Variants in RIOK1 observed in about 807,000 individuals in gnomAD.
RIOK1 encodes serine/threonine-protein kinase RIO1.
A neutral mutation model predicts 73.5 loss-of-function variants in RIOK1; 66 were observed. That is an observed-to-expected ratio of 0.90 (90% confidence interval 0.74 to 1.10). RIOK1 has a LOEUF of 1.10. Ranked by LOEUF, RIOK1 falls within the 50% of genes least tolerant of loss-of-function variation. The pLI is 0.00. For synonymous variants in RIOK1, 224 were observed against 226.8 expected (o/e 0.99, Z 0.11); for missense variants, 658 against 699.8 (o/e 0.94, Z 0.67).
chr6:7,417,459 G>A lies in RIOK1; in HGVS notation c.*18G>A, dbSNP rs1009542241. On this transcript the variant is annotated 3_prime_UTR_variant, in exon 17 of 17. Transcript: ENST00000379834. ...GCAAATAGAATGAGAACCATATTAT[G>A]TACAGTCATTTTCCTCAGTTCCTTT... The A allele has an allele frequency of 7.0e-6, 10 of 1,424,682 alleles. No homozygotes were observed. The highest frequency in any genetic ancestry group is 2.9e-5 in the African/African-American group (2 of 69,260). 88.3% of individuals were successfully genotyped at this position (1,424,682 alleles called of 1,614,324 possible).
chr6:7,410,444 A>T lies in RIOK1; in HGVS notation c.1262A>T (p.Asp421Val), dbSNP rs865994463. The change falls in exon 13 of 17, where the codon GAT (aspartate) becomes GTT (valine). Residue 421 changes from aspartate to valine, a missense_variant. By Grantham distance (152) the Asp-to-Val change is radical. Transcript: ENST00000379834. ...GAACGGTCTAGCCAAGATCATGTGG[A>T]TGAAGAGGTAGGATTTATTATCTAT... Reference protein sequence around the residue: ...KEERSSQDHVDEEVFKRAYIP... With the variant: ...KEERSSQDHVVEEVFKRAYIP... 3 of 1,607,682 alleles carry T rather than the reference A, an allele frequency of 1.9e-6. No homozygotes were observed. The highest frequency in any genetic ancestry group is 2.6e-6 in the Non-Finnish European group (3 of 1,174,654).
At chr6:7,404,118 A>G (rs779831132) in intron 9 of RIOK1, 91 bp downstream of exon 9, 82 of 911,302 alleles carry the variant, frequency 9.0e-5, no homozygotes, top group Non-Finnish European at 1.1e-5. Flanking sequence ...TTCCCATTTG[A>G]ATAACTTATT....
At chr6:7,395,713 GTT>G (rs139887944) in intron 3 of RIOK1, among the ~76,000 whole-genome samples, 4 of 143,356 alleles carry the variant, frequency 2.8e-5, no homozygotes, top group East Asian at 2.0e-4. Context: ...TCGGTTTTAG[GTT>G]TTTTTTTTTT....
At chr6:7,410,532 C>T (rs1761861196) in intron 13 of RIOK1, 81 bp downstream of exon 13, 3 of 869,026 alleles carry the variant, frequency 3.5e-6, no homozygotes, top group East Asian at 5.0e-5. Context: ...AGAGCATAAA[C>T]TTGATTTAAA....
chr6:7,400,901 A>G, intron 5 of RIOK1, 57 bp from the exon 6 acceptor site: 1 of 1,025,944 alleles, frequency 9.7e-7, no homozygotes, highest in South Asian at 1.3e-5. Context: ...ACAGGTTTTA[A>G]TGAGGAAAAT....
chr6:7,406,542 A>C (rs373108590), intron 12 of RIOK1, among the ~76,000 whole-genome samples: 235 of 152,244 alleles, frequency 1.5e-3, no homozygotes, highest in Middle Eastern at 0.014. Context: ...TTGTGAATTC[A>C]CCTACTCTAG....
At position 7,393,241 on chromosome 6, in the gene RIOK1, T is replaced by C. The variant is rs1245059057; in HGVS notation, c.214T>C (p.Trp72Arg). 2 of 1,613,936 alleles carry C rather than the reference T, an allele frequency of 1.2e-6. No individual in the cohort carries two copies. The highest frequency in any genetic ancestry group is 2.7e-5 in the African/African-American group (2 of 74,998). Residue 72 changes from tryptophan to arginine, a missense_variant, in exon 2 of 17, where the codon TGG becomes CGG. Transcript: ENST00000379834. ...GYDDDDDDWD[W>R]DEGVGKLAKG... The stretch of plus-strand genomic sequence containing the variant: ...TGACGATGATGATGATGACTGGGAC[T>C]GGGATGAAGGAGTTGGAAAACTCGC...
At chr6:7,416,923 T>C (rs920041355) in intron 16 of RIOK1, among the ~76,000 whole-genome samples, 1 of 152,194 alleles carries the variant, frequency 6.6e-6, no homozygotes, top group Non-Finnish European at 1.5e-5. Flanking sequence ...TATTCTTCTA[T>C]GTGTGTATTT....
chr6:7,405,082 T>A, intron 11 of RIOK1, 61 bp downstream of exon 11: 3 of 1,414,632 alleles, frequency 2.1e-6, no homozygotes, highest in Non-Finnish European at 3.0e-6. Flanking sequence ...TGTACTCAGT[T>A]AAGCTGTTGG....
intron 8 of RIOK1, among the ~76,000 whole-genome samples, chr6:7,403,718 G>C (rs184465332): frequency 1.3e-5 from 2 of 151,494 alleles, no homozygotes; most frequent in Admixed American, 6.6e-5. Context: ...GGGTATTACA[G>C]GTTATGGGAT....
chr6:7,402,815 A>T lies in RIOK1; in HGVS notation c.687-2A>T, dbSNP rs1304401814. On this transcript the variant is annotated splice_acceptor_variant, in intron 7 of 16. Transcript: ENST00000379834. LOFTEE classifies it high-confidence loss of function. ...AAATAATAAACATTTTTCTTATTCA[A>T]GATTTCGTCATGGCTATTGTAAAGG... The T allele has an allele frequency of 1.2e-6, 2 of 1,610,796 alleles. No homozygotes were observed.
chr6:7,398,499 A>G (rs1290130747), intron 4 of RIOK1, among the ~76,000 whole-genome samples, 199 bp from the exon 5 acceptor site: 1 of 152,224 alleles, frequency 6.6e-6, no homozygotes, highest in Non-Finnish European at 1.5e-5. Context: ...TTTTGCCAAA[A>G]TACAGAATTG....
intron 13 of RIOK1, 45 bp from the exon 14 acceptor site, chr6:7,411,287 A>G: frequency 1.2e-6 from 2 of 1,603,638 alleles, no homozygotes; most frequent in Non-Finnish European, 8.5e-7. Flanking sequence ...TGAATGTGAG[A>G]AGTGTATGAA....
At chr6:7,408,692 T>TTAGCACTGAC (rs1455015956) in intron 12 of RIOK1, among the ~76,000 whole-genome samples, 4 of 152,082 alleles carry the variant, frequency 2.6e-5, no homozygotes, top group African/African-American at 9.7e-5. Context: ...TTCCTCAACT[T>TTAGCACTGAC]TTTAACTTAG....
intron 15 of RIOK1, among the ~76,000 whole-genome samples, chr6:7,413,687 C>A (rs1195930910): frequency 6.6e-6 from 1 of 152,118 alleles, no homozygotes; most frequent in Non-Finnish European, 1.5e-5. Flanking sequence ...TCTTGTTGTA[C>A]AATTGACTTC....
intron 2 of RIOK1, among the ~76,000 whole-genome samples, chr6:7,394,424 A>T (rs1761420696): frequency 1.3e-5 from 2 of 152,148 alleles, no homozygotes; most frequent in Admixed American, 6.5e-5. Context: ...ACAGAGCGAG[A>T]CTCTGTCTGT....
In RIOK1 at chr6:7,389,858, C is replaced by T; in HGVS notation, c.-145C>T. 1 of 625,892 alleles carries T rather than the reference C, an allele frequency of 1.6e-6. No individual in the cohort carries two copies. Among genetic ancestry groups the T allele is most frequent in the Non-Finnish European group, 2.8e-6 (1 of 353,598 alleles). The allele number at this position is 625,892 out of a possible 1,614,324, so 38.8% of individuals were successfully genotyped here. A position where few individuals can be genotyped will look rare whatever the true frequency, so the allele number is the denominator to read the frequency against. On this transcript the variant is annotated 5_prime_UTR_variant, in exon 1 of 17. Coordinates refer to ENST00000379834, the MANE Select transcript of RIOK1 (RefSeq NM_031480.3). ...GGTGGATCTGTCGGTCCCGTTTTCC[C>T]GTCGCACGTGGTGGCCACTGTTGGC...
chr6:7,392,516 CTTTT>C, intron 1 of RIOK1, among the ~76,000 whole-genome samples: 1 of 139,874 alleles, frequency 7.1e-6, no homozygotes, highest in East Asian at 2.0e-4. Flanking sequence ...TGTCAGAAAG[CTTTT>C]TTTTTTTTTT....
At chr6:7,400,670 C>T (rs1761589827) in intron 5 of RIOK1, among the ~76,000 whole-genome samples, 1 of 152,214 alleles carries the variant, frequency 6.6e-6, no homozygotes, top group African/African-American at 2.4e-5. Context: ...CATTATACTT[C>T]TATTAGCTAA....
Sources: allele counts gnomAD v4.1 joint callset (sites outside exome capture counted in the v4.1 genomes callset), GRCh38; gene constraint gnomAD v4.1.1; transcripts MANE v1.5; gene names NCBI Gene and HGNC (gene_info 2026-07-23, HGNC 2026-07-21).